TECTA: variants seen among roughly 807,000 people sequenced by gnomAD.
TECTA encodes tectorin alpha, also known as alpha-tectorin.
TECTA carries 128 observed loss-of-function variants against 216.8 expected under a neutral mutation model. The observed-to-expected ratio is 0.59, with a 90% CI of 0.51 to 0.68. The LOEUF is 0.68. Among genes scored for constraint, TECTA ranks in the 30% least tolerant of loss-of-function variants. TECTA has a pLI of 0.00. For missense variants in TECTA, 2,551 were observed against 2,786.2 expected, an observed-to-expected ratio of 0.92 and a Z score of 1.90; for synonymous variants, 1,089 against 1,117.1, an observed-to-expected ratio of 0.97 and a Z score of 0.50.
At chr11:121,111,282 C>T (rs1017284061) in intron 4 of TECTA, among the ~76,000 whole-genome samples, 1 of 152,152 alleles carries the variant, frequency 6.6e-6, no homozygotes, top group African/African-American at 2.4e-5. Context: ...CCAAGTATCT[C>T]GTTCAAGTGG....
In TECTA at chr11:121,125,574, G is replaced by A. The variant is rs1212381128; in HGVS notation, c.1476G>A (p.Val492=). ...TGGATCTGGGAGAGAGCTGGCGTGT[G>A]TACCACGCAGACTGGAAGTGCGACT... ...SVLDLGESWR[V]YHADWKCDSG... is the part of the protein sequence containing the mutation. Residue 492 remains valine, a synonymous_variant, in exon 8 of 24, where the codon GTG becomes GTA. Coordinates refer to ENST00000392793, the MANE Select transcript of TECTA (RefSeq NM_005422.4). 2 of 1,614,098 alleles carry A rather than the reference G, an allele frequency of 1.2e-6. No homozygotes were observed. Among genetic ancestry groups the A allele is most frequent in the Non-Finnish European group, 1.7e-6 (2 of 1,180,032 alleles).
At chr11:121,159,974 A>G (rs1316740984) in intron 14 of TECTA, among the ~76,000 whole-genome samples, 161 bp from the exon 15 acceptor site, 1 of 152,170 alleles carries the variant, frequency 6.6e-6, no homozygotes, top group East Asian at 1.9e-4. Context: ...TTAGTTGTAT[A>G]TTGTCTATGC....
In TECTA at chr11:121,152,355, A is replaced by G. The variant is rs1946898640; in HGVS notation, c.4106-526A>G. ...CTGCTGGCTTAGAAAAACGTTCTGTAGAAGCTCTGGGGTGTAGAGGAGCTG... is the reference window on the plus strand; with the variant it reads ...CTGCTGGCTTAGAAAAACGTTCTGTGGAAGCTCTGGGGTGTAGAGGAGCTG... On this transcript the variant is annotated intron_variant, in intron 12 of 23. Coordinates refer to ENST00000392793, the MANE Select transcript of TECTA (RefSeq NM_005422.4). 2.0e-5 allele frequency among the ~76,000 whole-genome samples: 3 copies of G among 152,236 alleles called. No homozygotes were observed. The South Asian group carries it at 6.2e-4, about 31-fold the overall frequency.
At chr11:121,184,215 T>A (rs1947259183) in intron 20 of TECTA, among the ~76,000 whole-genome samples, 1 of 152,236 alleles carries the variant, frequency 6.6e-6, no homozygotes, top group African/African-American at 2.4e-5. Context: ...CAGGAGTGGA[T>A]GTGACTTCAG....
Position 121,118,408 on chromosome 11 carries a change from C to T in TECTA, c.893C>T (p.Ser298Phe). ...FNNEIYCQEA[S>F]CSPYEVCEPK... ...AATGAGATCTACTGCCAGGAGGCTT[C>T]CTGTAGCCCCTACGAGGTGTGCGAA... Residue 298 changes from serine (S) to phenylalanine (F), a missense_variant, in exon 7 of 24, where the codon TCC becomes TTC. This residue lies in a region of TECTA where 2,375 missense variants were observed against 2,563.9 expected (regional missense o/e 0.93). Transcript: ENST00000392793. The T allele has an allele frequency of 2.5e-6, 4 of 1,614,170 alleles. No homozygotes were observed. Among genetic ancestry groups the T allele is most frequent in the Non-Finnish European group, 3.4e-6 (4 of 1,180,042 alleles).
chr11:121,146,068 C>G lies in TECTA; in HGVS notation c.4057C>G (p.Gln1353Glu), dbSNP rs1277235937. The stretch of plus-strand genomic sequence containing the variant: ...GCTGCAGAACTACGCCAGCACCTGC[C>G]AGACTCAGGGGATTACGGTGACTGG... ...SWLQNYASTC[Q>E]TQGITVTGWR... The change falls in exon 12 of 24, where the codon CAG becomes GAG. Residue 1353 changes from glutamine (Q) to glutamate (E), a missense_variant. Physicochemically the swap from Gln to Glu is conservative, Grantham distance 29 (BLOSUM62 2). This residue lies in a region of TECTA where 2,375 missense variants were observed against 2,563.9 expected (regional missense o/e 0.93). Transcript: ENST00000392793. 1 of 1,612,900 alleles carries G rather than the reference C, an allele frequency of 6.2e-7. No individual in the cohort carries two copies. Among genetic ancestry groups the G allele is most frequent in the Admixed American group, 1.7e-5 (1 of 60,010 alleles).
rs909711365 is a variant in TECTA at position 121,113,659 on chromosome 11, G to A, written c.731G>A (p.Arg244His). 5.6e-6 allele frequency: 9 copies of A among 1,613,814 alleles called. No individual in the cohort carries two copies. The highest frequency in any genetic ancestry group is 2.2e-5 in the East Asian group (1 of 44,858). Residue 244 changes from arginine (R) to histidine (H), a missense_variant, in exon 6 of 24, where the codon CGC becomes CAC. Around this residue, in one of 3 missense-constraint regions of TECTA, gnomAD observed 2,375 missense variants for 2,563.9 expected, o/e 0.93. Coordinates refer to ENST00000392793, the MANE Select transcript of TECTA (RefSeq NM_005422.4). The surrounding 1 kb of genome is among the most constrained non-coding windows in gnomAD (Gnocchi z 4.2). ...ACCACAAACGTCAATGTTCCAGGCC[G>A]CTGGGCATTTAAAGTTGATGGAAAG... ...QETTNVNVPGRWAFKVDGKEI... is the reference protein window; with the variant it reads ...QETTNVNVPGHWAFKVDGKEI...
intron 13 of TECTA, among the ~76,000 whole-genome samples, chr11:121,156,245 A>G (rs907976723): frequency 3.9e-5 from 6 of 152,142 alleles, no homozygotes; most frequent in African/African-American, 1.2e-4. Context: ...CAGGATCACA[A>G]CTCACTGCAG....
At chr11:121,141,550 A>G (rs943540733) in intron 11 of TECTA, among the ~76,000 whole-genome samples, 1 of 152,190 alleles carries the variant, frequency 6.6e-6, no homozygotes, top group South Asian at 2.1e-4. Context: ...GGGCACCGCC[A>G]TAGCCCATCT....
intron 20 of TECTA, among the ~76,000 whole-genome samples, chr11:121,173,217 G>T (rs1947130635): frequency 6.6e-6 from 1 of 151,086 alleles, no homozygotes; most frequent in Admixed American, 6.6e-5. Context: ...GTCAATTTTG[G>T]TTTTTGTTGC....
intron 13 of TECTA, among the ~76,000 whole-genome samples, chr11:121,154,123 C>A (rs958631974): frequency 6.6e-6 from 1 of 152,138 alleles, no homozygotes; most frequent in African/African-American, 2.4e-5. Flanking sequence ...CAGAACTAAT[C>A]AATTTTAAGT....
rs1565523100 is a variant in TECTA, at chr11:121,127,985, A to G, written c.2008A>G (p.Asn670Asp). The G allele has an allele frequency of 6.2e-7, 1 of 1,614,128 alleles. No homozygotes were observed. Among genetic ancestry groups the G allele is most frequent in the Non-Finnish European group, 8.5e-7 (1 of 1,180,038 alleles). ...GGGGGAGTTCTTCTGGGCCACGGCCAACTGCACTGTGCAATGCCTGTGCGA... is the reference window on the plus strand; with the variant it reads ...GGGGGAGTTCTTCTGGGCCACGGCCGACTGCACTGTGCAATGCCTGTGCGA... ...TMGEFFWATA[N>D]CTVQCLCEEG... The change falls in exon 9 of 24, where the codon AAC (asparagine) becomes GAC (aspartate). Residue 670 changes from asparagine to aspartate, a missense_variant. This residue lies in a region of TECTA where 2,375 missense variants were observed against 2,563.9 expected (regional missense o/e 0.93). Transcript: ENST00000392793. This position sits in a 1 kb window ranked among gnomAD's most constrained non-coding sequence, Gnocchi z 5.0.
In TECTA at chr11:121,105,947, C is replaced by A. The variant is rs1041510767; in HGVS notation, c.181C>A (p.Pro61Thr). ...CATCCCAGTTTTCTTCTTTGGCGTT[C>A]CTTACCGCACTGTCTATGTAAGTGG... ...LAIPVFFFGV[P>T]YRTVYVNNNG... Residue 61 changes from proline (P) to threonine (T), a missense_variant, in exon 3 of 24, where the codon CCT (proline) becomes ACT (threonine). Pro to Thr is a conservative substitution (Grantham distance 38). This residue lies in a region of TECTA where 2,375 missense variants were observed against 2,563.9 expected (regional missense o/e 0.93). Coordinates refer to ENST00000392793, the MANE Select transcript of TECTA (RefSeq NM_005422.4). The surrounding 1 kb of genome is among the most constrained non-coding windows in gnomAD (Gnocchi z 5.3). The A allele has an allele frequency of 6.2e-7, 1 of 1,614,052 alleles. No individual in the cohort carries two copies. Among genetic ancestry groups the A allele is most frequent in the East Asian group, 2.2e-5 (1 of 44,896 alleles).
intron 10 of TECTA, among the ~76,000 whole-genome samples, chr11:121,134,349 G>A (rs12795398): frequency 0.024 from 986 of 41,424 alleles, 14 homozygotes; most frequent in African/African-American, 0.12. Flanking sequence ...ACACACACAC[G>A]CACACACTTC....
chr11:121,127,638 G>T lies in TECTA; in HGVS notation c.1775-114G>T. 4 of 1,264,182 alleles carry T rather than the reference G, an allele frequency of 3.2e-6. No homozygotes were observed. The highest frequency in any genetic ancestry group is 4.6e-6 in the Non-Finnish European group (4 of 868,042). The allele number at this position is 1,264,182 out of a possible 1,614,324, so 78.3% of individuals were successfully genotyped here. A position where few individuals can be genotyped will look rare whatever the true frequency, so the allele number is the denominator to read the frequency against. ...TCAATTCTGTCTTCCCCGAGTGGCC[G>T]CTTGACCCTCACTCTAGGAACTAAA... On this transcript the variant is annotated intron_variant, in intron 8 of 23. Transcript: ENST00000392793. This position sits in a 1 kb window ranked among gnomAD's most constrained non-coding sequence, Gnocchi z 5.0.
Position 121,127,204 on chromosome 11 carries a change from G to A in TECTA, c.1775-548G>A, listed in dbSNP as rs544924262. On this transcript the variant is annotated intron_variant, in intron 8 of 23. Coordinates refer to ENST00000392793, the MANE Select transcript of TECTA (RefSeq NM_005422.4). The surrounding 1 kb of genome is among the most constrained non-coding windows in gnomAD (Gnocchi z 5.0). ...TGAATTCTTTGGAGGTAGCCAGGGC[G>A]CTTTCTTATTTTTAATATCCCAGGG... Among the ~76,000 whole-genome samples, 2 of 152,146 alleles carry A rather than the reference G, an allele frequency of 1.3e-5. No homozygotes were observed. The highest frequency in any genetic ancestry group is 2.1e-4 in the South Asian group (1 of 4,824).
At chr11:121,178,646 G>T (rs2134206810) in intron 20 of TECTA, among the ~76,000 whole-genome samples, 1 of 151,070 alleles carries the variant, frequency 6.6e-6, no homozygotes. Flanking sequence ...TTCATCTTCA[G>T]TTTTTTTTGA....
chr11:121,133,865 T>TA (rs1946698947), intron 10 of TECTA, among the ~76,000 whole-genome samples: 1 of 152,216 alleles, frequency 6.6e-6, no homozygotes, highest in African/African-American at 2.4e-5. Flanking sequence ...CCCTTGCAAC[T>TA]AATAAGCAAC....
At chr11:121,142,856 G>A (rs548132376) in intron 11 of TECTA, among the ~76,000 whole-genome samples, 2 of 152,160 alleles carry the variant, frequency 1.3e-5, no homozygotes, top group Admixed American at 6.5e-5. Flanking sequence ...TGCCTTCCCT[G>A]GAATCTTGGC....
Sources: allele counts gnomAD v4.1 joint callset (sites outside exome capture counted in the v4.1 genomes callset), GRCh38; gene constraint gnomAD v4.1.1; regional missense constraint gnomAD v4.1.1; non-coding constraint Gnocchi (gnomAD v3.1); transcripts MANE v1.5; gene names NCBI Gene and HGNC (gene_info 2026-07-23, HGNC 2026-07-21).